NR1D2: variants seen among roughly 807,000 people sequenced by gnomAD.
NR1D2 encodes the protein V-erbA-related protein 1-related.
Under a neutral mutation model 52.2 loss-of-function variants are expected in NR1D2, and 25 were observed. The observed-to-expected ratio is 0.48, with a 90% CI of 0.35 to 0.67. NR1D2 has a LOEUF of 0.67. NR1D2 is among the 30% of genes least tolerant of loss of function. The probability of loss-of-function intolerance (pLI) is 0.01; values close to 1 mark genes in which losing one functional copy is unlikely to be tolerated. For synonymous variants in NR1D2, 259 were observed against 230.1 expected, an observed-to-expected ratio of 1.13 and a Z score of -1.14; for missense variants, 681 against 707.2, an observed-to-expected ratio of 0.96 and a Z score of 0.42.
At chr3:23,945,650 C>A in intron 1 of NR1D2, 56 bp downstream of exon 1, 1 of 477,972 alleles carries the variant, frequency 2.1e-6, no homozygotes. Context: ...TCAGAGCCCG[C>A]GGGGCACTTT....
At chr3:23,951,754 C>G (rs1325141942) in intron 1 of NR1D2, among the ~76,000 whole-genome samples, 1 of 152,006 alleles carries the variant, frequency 6.6e-6, no homozygotes, top group African/African-American at 2.4e-5. Flanking sequence ...GCTTGGAGAG[C>G]TTGTTAAAAT....
At chr3:23,950,924 G>T (rs13316457) in intron 1 of NR1D2, among the ~76,000 whole-genome samples, 16,757 of 101,670 alleles carry the variant, frequency 0.16, 1,325 homozygotes, top group African/African-American at 0.32. Flanking sequence ...TTTTTTTTGA[G>T]ATGGAGTTTT....
intron 5 of NR1D2, chr3:23,963,515 C>T: frequency 6.2e-6 from 3 of 483,280 alleles, no homozygotes; most frequent in Non-Finnish European, 8.1e-6. Context: ...GGTGGCGCGA[C>T]CTCAGCTCAT....
chr3:23,946,008 C>A, intron 1 of NR1D2: 1 of 700,242 alleles, frequency 1.4e-6, no homozygotes, highest in Non-Finnish European at 1.8e-6. Flanking sequence ...TCCCCGGGGC[C>A]GCAGGGACAC....
intron 7 of NR1D2, among the ~76,000 whole-genome samples, chr3:23,970,931 A>T (rs938348882): frequency 8.6e-5 from 13 of 152,000 alleles, no homozygotes; most frequent in African/African-American, 3.1e-4. Context: ...ACAGGCATGC[A>T]CTACTACACC....
intron 5 of NR1D2, chr3:23,964,690 T>TA: frequency 4.1e-6 from 1 of 241,170 alleles, no homozygotes; most frequent in Non-Finnish European, 7.9e-6. Context: ...TGTTACAAAA[T>TA]AAACTCTTAA....
At position 23,978,458 on chromosome 3, in the gene NR1D2, C is replaced by T. The variant is rs1473584130; in HGVS notation, c.*1039C>T. 1 of 149,620 alleles carries T rather than the reference C, an allele frequency of 6.7e-6. No homozygotes were observed. The highest frequency in any genetic ancestry group is 1.5e-5 in the Non-Finnish European group (1 of 67,666). The allele number at this position is 149,620 out of a possible 1,614,324, so 9.3% of individuals were successfully genotyped here. ...AGCAACACTTAATGTAAAAGTGCAA[C>T]AGGCAATTGAATCCAAATTTCAACG... On this transcript the variant is annotated 3_prime_UTR_variant, in exon 8 of 8. Transcript: ENST00000312521.
Position 23,962,126 on chromosome 3 carries a change from G to T in NR1D2, c.667G>T (p.Ala223Ser). 6.2e-7 allele frequency: 1 copy of T among 1,614,126 alleles called. No homozygotes were observed. Among genetic ancestry groups the T allele is most frequent in the Non-Finnish European group, 8.5e-7 (1 of 1,180,020 alleles). Residue 223 changes from alanine (A) to serine (S), a missense_variant, in exon 5 of 8, where the codon GCC becomes TCC. By Grantham distance (99) the Ala-to-Ser change is moderately conservative (BLOSUM62 1). This residue lies in a region of NR1D2 where 475 missense variants were observed against 454.5 expected (regional missense o/e 1.05). Transcript: ENST00000312521. ...VEHHEQTALPAQEQLRPKPQL... is the reference protein window; with the variant it reads ...VEHHEQTALPSQEQLRPKPQL... ...ACATCATGAACAGACAGCCTTGCCA[G>T]CCCAGGAACAGCTGCGACCCAAGCC...
At chr3:23,958,128 T>A (rs1706134811) in intron 3 of NR1D2, among the ~76,000 whole-genome samples, 1 of 152,232 alleles carries the variant, frequency 6.6e-6, no homozygotes, top group African/African-American at 2.4e-5. Context: ...TTTGTAGCCA[T>A]CTAGTTGGGA....
Position 23,980,189 on chromosome 3 carries a change from G to A in NR1D2, c.*2770G>A, listed in dbSNP as rs1438902273. ...CTTGATAAGAGATGATTTATTTTATGTAAACATCTTTGCAAAGCAAGGTGT... is the reference window on the plus strand; with the variant it reads ...CTTGATAAGAGATGATTTATTTTATATAAACATCTTTGCAAAGCAAGGTGT... On this transcript the variant is annotated 3_prime_UTR_variant, in exon 8 of 8. Coordinates refer to ENST00000312521, the MANE Select transcript of NR1D2 (RefSeq NM_005126.5). 1 of 152,132 alleles carries A rather than the reference G, an allele frequency of 6.6e-6. No homozygotes were observed. Among genetic ancestry groups the A allele is most frequent in the Non-Finnish European group, 1.5e-5 (1 of 68,004 alleles). The allele number at this position is 152,132 out of a possible 1,614,324, so 9.4% of individuals were successfully genotyped here.
intron 1 of NR1D2, among the ~76,000 whole-genome samples, chr3:23,950,443 C>A (rs1479300076): frequency 6.6e-6 from 1 of 152,218 alleles, no homozygotes; most frequent in African/African-American, 2.4e-5. Flanking sequence ...TTATTCCTGA[C>A]ATCCAGTAGG....
In NR1D2 at chr3:23,962,157, T is replaced by C. The variant is rs1453671221; in HGVS notation, c.698T>C (p.Leu233Pro). The part of the protein sequence containing the change: ...AQEQLRPKPQ[L>P]EQENIKSSSP... Reference sequence around the variant, plus strand: ...GAACAGCTGCGACCCAAGCCCCAACTGGAGCAAGAAAACATCAAAAGCTCT... The same window carrying C: ...GAACAGCTGCGACCCAAGCCCCAACCGGAGCAAGAAAACATCAAAAGCTCT... The change falls in exon 5 of 8, where the codon CTG becomes CCG. Residue 233 changes from leucine (L) to proline (P), a missense_variant. This residue lies in a region of NR1D2 where 475 missense variants were observed against 454.5 expected (regional missense o/e 1.05). Coordinates refer to ENST00000312521, the MANE Select transcript of NR1D2 (RefSeq NM_005126.5). 2.5e-6 allele frequency: 4 copies of C among 1,614,080 alleles called. No homozygotes were observed. Among genetic ancestry groups the C allele is most frequent in the East Asian group, 2.2e-5 (1 of 44,882 alleles).
Position 23,959,835 on chromosome 3 carries a change from A to C in NR1D2, c.517+20A>C. On this transcript the variant is annotated intron_variant, in intron 4 of 7. Coordinates refer to ENST00000312521, the MANE Select transcript of NR1D2 (RefSeq NM_005126.5). ...GAGATGGTATGTTCCCAGTTTAAAG[A>C]GTGTTCCTAAAGTGTATGGAGCTTG... 2 of 1,605,806 alleles carry C rather than the reference A, an allele frequency of 1.2e-6. No individual in the cohort carries two copies. The highest frequency in any genetic ancestry group is 1.7e-6 in the Non-Finnish European group (2 of 1,176,586).
chr3:23,952,594 C>CG (rs887243966), intron 1 of NR1D2, among the ~76,000 whole-genome samples: 3 of 151,706 alleles, frequency 2.0e-5, no homozygotes. Flanking sequence ...GGCGTGGTGG[C>CG]GGGCGCCTGT....
intron 1 of NR1D2, among the ~76,000 whole-genome samples, chr3:23,952,823 C>T (rs1033693122): frequency 2.6e-5 from 4 of 152,070 alleles, no homozygotes; most frequent in Non-Finnish European, 5.9e-5. Flanking sequence ...CACTCAAACC[C>T]CTTGAGAGTT....
At chr3:23,945,664 G>GGGC in intron 1 of NR1D2, 70 bp downstream of exon 1, 1 of 1,077,980 alleles carries the variant, frequency 9.3e-7, no homozygotes, top group East Asian at 4.0e-5. Context: ...GCACTTTGGG[G>GGGC]GGCGGCGGCA....
Position 23,962,099 on chromosome 3 carries a change from G to A in NR1D2, c.640G>A (p.Glu214Lys), listed in dbSNP as rs61732090. 475 of 1,614,168 alleles carry A rather than the reference G, an allele frequency of 2.9e-4. 1 individual carries two copies. The African/African-American group carries it at 5.9e-3, about 20-fold the overall frequency. The change falls in exon 5 of 8, where the codon GAA becomes AAA. Residue 214 changes from glutamate to lysine, a missense_variant. Transcript: ENST00000312521. Reference sequence around the variant, plus strand: ...TCACTTGCAAAATGACACATTAGTAGAACATCATGAACAGACAGCCTTGCC... The same window carrying A: ...TCACTTGCAAAATGACACATTAGTAAAACATCATGAACAGACAGCCTTGCC... ...SGHLQNDTLV[E>K]HHEQTALPAQ...
chr3:23,962,768 ATCT>A (rs573556792), intron 5 of NR1D2, among the ~76,000 whole-genome samples, 163 bp downstream of exon 5: 50 of 152,288 alleles, frequency 3.3e-4, no homozygotes, highest in Non-Finnish European at 1.0e-4. Flanking sequence ...TTTAATAAAC[ATCT>A]TCTGATGAAT....
At chr3:23,950,902 C>CTTTTTCTTTTTTTTTT (rs1351954635) in intron 1 of NR1D2, among the ~76,000 whole-genome samples, 1 of 123,110 alleles carries the variant, frequency 8.1e-6, no homozygotes, top group Admixed American at 8.4e-5. Flanking sequence ...CTTTCTTTTT[C>CTTTTTCTTTTTTTTTT]TTTTTTTTTT....
Sources: gnomAD v4.1 joint callset for allele counts (sites outside exome capture counted in the v4.1 genomes callset) on GRCh38, gnomAD v4.1.1 for gene constraint, gnomAD v4.1.1 regional missense constraint, MANE v1.5 for transcripts, NCBI Gene and HGNC (gene_info 2026-07-23, HGNC 2026-07-21) for gene names.